PEX6: variants seen among roughly 807,000 people sequenced by gnomAD.
PEX6 encodes the protein peroxisome biogenesis factor 6.
Under a neutral mutation model 85.6 loss-of-function variants are expected in PEX6, and 55 were observed. That is an observed-to-expected ratio of 0.64 (90% CI 0.52 to 0.80). The LOEUF (loss-of-function observed/expected upper bound fraction) is 0.80, where lower values mean the gene tolerates loss of function less well. Among genes scored for constraint, PEX6 ranks in the 30% least tolerant of loss-of-function variants. The pLI is 0.00. For synonymous variants in PEX6, 519 were observed against 549.1 expected, an observed-to-expected ratio of 0.95 and a Z score of 0.77; for missense variants, 1,099 against 1,260.3, an observed-to-expected ratio of 0.87 and a Z score of 1.94.
Position 42,965,381 on chromosome 6 carries a change from G to A in PEX6, c.2472-13C>T, listed in dbSNP as rs768703242. On this transcript the variant is annotated splice_polypyrimidine_tract_variant and intron_variant, in intron 13 of 16. Transcript: ENST00000304611. This position sits in a 1 kb window ranked among gnomAD's most constrained non-coding sequence, Gnocchi z 5.0. Reference sequence around the variant, plus strand: ...CTGAGACACCACCCTGGAGAGAAGGGAGCAAGGGCAAGAGTCCTTGGTGTC... The same window carrying A: ...CTGAGACACCACCCTGGAGAGAAGGAAGCAAGGGCAAGAGTCCTTGGTGTC... 2.5e-6 allele frequency: 4 copies of A among 1,592,734 alleles called. No homozygotes were observed. The highest frequency in any genetic ancestry group is 3.4e-6 in the Non-Finnish European group (4 of 1,161,172).
At position 42,971,931 on chromosome 6, in the gene PEX6, G is replaced by A. The variant is rs1299128402; in HGVS notation, c.1131-1944C>T. On this transcript the variant is annotated intron_variant, in intron 3 of 16. Transcript: ENST00000304611. The surrounding 1 kb of genome is among the most constrained non-coding windows in gnomAD (Gnocchi z 4.4). Reference sequence around the variant, plus strand: ...TAAATTTATGATAGGAGAGAGAGGTGGGAAGTGACTGCTAAGTGCCAGCCT... The same window carrying A: ...TAAATTTATGATAGGAGAGAGAGGTAGGAAGTGACTGCTAAGTGCCAGCCT... Among the ~76,000 whole-genome samples the A allele has an allele frequency of 6.6e-6, 1 of 152,202 alleles. No individual in the cohort carries two copies. The highest frequency in any genetic ancestry group is 1.5e-5 in the Non-Finnish European group (1 of 68,028).
intron 2 of PEX6, 62 bp from the exon 3 acceptor site, chr6:42,974,148 C>T (rs966414039): frequency 2.7e-4 from 332 of 1,230,644 alleles, no homozygotes; most frequent in Non-Finnish European, 3.6e-4. Context: ...TGTTCATTAC[C>T]ACATGTCCAC....
At chr6:42,970,140 A>G (rs957745141) in intron 3 of PEX6, among the ~76,000 whole-genome samples, 153 bp from the exon 4 acceptor site, 4 of 152,180 alleles carry the variant, frequency 2.6e-5, no homozygotes, top group South Asian at 2.1e-4. Flanking sequence ...GGACTTTCTC[A>G]TCTTCCTGAC....
chr6:42,977,564 A>C (rs542762667), intron 1 of PEX6, among the ~76,000 whole-genome samples: 4 of 152,068 alleles, frequency 2.6e-5, no homozygotes, highest in Admixed American at 1.3e-4. Flanking sequence ...GGATCACCTG[A>C]GGTCAGGAGT....
chr6:42,971,000 T>G (rs1770040874), intron 3 of PEX6, among the ~76,000 whole-genome samples: 1 of 152,184 alleles, frequency 6.6e-6, no homozygotes, highest in Non-Finnish European at 1.5e-5. Context: ...CATGAACTAC[T>G]TCCCTCTTTA....
At chr6:42,974,818 T>C (rs1770218077) in intron 2 of PEX6, 57 bp downstream of exon 2, 3 of 1,494,610 alleles carry the variant, frequency 2.0e-6, no homozygotes, top group African/African-American at 2.8e-5. Flanking sequence ...AGGCATGGGA[T>C]AGGAGGAATG....
chr6:42,975,137 C>T, intron 1 of PEX6, 99 bp from the exon 2 acceptor site: 2 of 1,045,742 alleles, frequency 1.9e-6, no homozygotes, highest in African/African-American at 3.1e-5. Flanking sequence ...TCCTGTCTTT[C>T]CCATAACCAC....
At chr6:42,969,633 C>T (rs564008181) in intron 5 of PEX6, 35 bp downstream of exon 5, 1 of 1,611,832 alleles carries the variant, frequency 6.2e-7, no homozygotes, top group Admixed American at 1.7e-5. Flanking sequence ...TCTAAGCAGG[C>T]TTTTCTCACA....
chr6:42,970,194 G>A (rs969484021), intron 3 of PEX6, among the ~76,000 whole-genome samples: 3 of 152,214 alleles, frequency 2.0e-5, no homozygotes, highest in African/African-American at 7.2e-5. Context: ...CTGTCCCTCT[G>A]CATCCCCCAT....
Position 42,979,025 on chromosome 6 carries a change from A to G in PEX6, c.126T>C (p.Pro42=). The part of the protein sequence containing the change: ...AELGLVLALR[P]AGESPAGPAL... ...CCGGCCCTGCCGGGCTCTCCCCTGC[A>G]GGCCTCAGGGCCAGCACCAGGCCCA... is the stretch of plus-strand genomic sequence containing the variant. The change falls in exon 1 of 17, where the codon CCT becomes CCC. Residue 42 remains proline (P), a synonymous_variant. Coordinates refer to ENST00000304611, the MANE Select transcript of PEX6 (RefSeq NM_000287.4). 1 of 1,529,450 alleles carries G rather than the reference A, an allele frequency of 6.5e-7. No homozygotes were observed. The highest frequency in any genetic ancestry group is 8.7e-7 in the Non-Finnish European group (1 of 1,144,500). 94.7% of individuals were successfully genotyped at this position (1,529,450 alleles called of 1,614,324 possible).
intron 1 of PEX6, among the ~76,000 whole-genome samples, chr6:42,975,585 A>G (rs766446670): frequency 6.6e-6 from 1 of 152,224 alleles, no homozygotes; most frequent in African/African-American, 2.4e-5. Flanking sequence ...TTACTCTAGT[A>G]CTGCCCAGTA....
intron 2 of PEX6, among the ~76,000 whole-genome samples, chr6:42,974,633 T>C (rs1342121121): frequency 1.3e-5 from 2 of 151,642 alleles, no homozygotes; most frequent in African/African-American, 4.8e-5. Flanking sequence ...AATTTTTTTT[T>C]TGTATTTTTA....
chr6:42,968,067 C>T (rs1769907239), intron 7 of PEX6, among the ~76,000 whole-genome samples: 1 of 151,842 alleles, frequency 6.6e-6, no homozygotes, highest in South Asian at 2.1e-4. Flanking sequence ...CTGCCTCAGC[C>T]TCCCAAGTAG....
At chr6:42,968,599 T>C (rs1769935627) in intron 6 of PEX6, 101 bp from the exon 7 acceptor site, 1 of 1,106,374 alleles carries the variant, frequency 9.0e-7, no homozygotes, top group African/African-American at 1.5e-5. Context: ...CATCTTTTTC[T>C]CTGGAGGGCA....
At position 42,975,018 on chromosome 6, in the gene PEX6, G is replaced by C; in HGVS notation, c.903C>G (p.Ile301Met). 1 of 1,613,036 alleles carries C rather than the reference G, an allele frequency of 6.2e-7. No homozygotes were observed. ...LRIQRYLEGSIAPEDKGSCSL... is the reference protein window; with the variant it reads ...LRIQRYLEGSMAPEDKGSCSL... Reference sequence around the variant, plus strand: ...AGCAGCTTCCTTTGTCTTCAGGGGCGATGGAGCCTTCCAAGTACCTCTATT... The same window carrying C: ...AGCAGCTTCCTTTGTCTTCAGGGGCCATGGAGCCTTCCAAGTACCTCTATT... Residue 301 changes from isoleucine (I) to methionine (M), a missense_variant, in exon 2 of 17, where the codon ATC (isoleucine) becomes ATG (methionine). Ile to Met is a conservative substitution (Grantham distance 10, BLOSUM62 1). This residue lies in a region of PEX6 where 579 missense variants were observed against 611.6 expected (regional missense o/e 0.95). Coordinates refer to ENST00000304611, the MANE Select transcript of PEX6 (RefSeq NM_000287.4).
rs763214400 is a variant in PEX6, at chr6:42,966,309, G to C, written c.2233C>G (p.Pro745Ala). The change falls in exon 11 of 17, where the codon CCC becomes GCC. Residue 745 changes from proline to alanine, a missense_variant. Coordinates refer to ENST00000304611, the MANE Select transcript of PEX6 (RefSeq NM_000287.4). ...AGAAGGGTCTTGCCGGTGCCAGGGG[G>C]CCCATGGAGCAGAAGGCCTGAGCGT... ...LRRSGLLLHG[P>A]PGTGKTLLAK... 1 of 1,612,932 alleles carries C rather than the reference G, an allele frequency of 6.2e-7. No homozygotes were observed. Among genetic ancestry groups the C allele is most frequent in the East Asian group, 2.2e-5 (1 of 44,874 alleles).
Position 42,966,350 on chromosome 6 carries a change from A to G in PEX6, c.2192T>C (p.Leu731Pro). 1 of 1,613,946 alleles carries G rather than the reference A, an allele frequency of 6.2e-7. No individual in the cohort carries two copies. Among genetic ancestry groups the G allele is most frequent in the Non-Finnish European group, 8.5e-7 (1 of 1,179,998 alleles). The stretch of plus-strand genomic sequence containing the variant: ...GCCTGAGCGTCTCAGGCCCAGGCTC[A>G]GTAGCTCAGGGTGCTCCAGGGGGAG... ...IQLPLEHPEL[L>P]SLGLRRSGLL... The change falls in exon 11 of 17, where the codon CTG becomes CCG. Residue 731 changes from leucine (L) to proline (P), a missense_variant. By Grantham distance (98) the Leu-to-Pro change is moderately conservative (BLOSUM62 -3). Transcript: ENST00000304611.
chr6:42,975,065 T>C, intron 1 of PEX6, 27 bp from the exon 2 acceptor site: 1 of 1,596,310 alleles, frequency 6.3e-7, no homozygotes, highest in Non-Finnish European at 8.6e-7. Context: ...CACCACGTTA[T>C]AACCTTCTCC....
intron 2 of PEX6, among the ~76,000 whole-genome samples, chr6:42,974,448 T>A (rs7744423): frequency 1.2e-5 from 1 of 86,580 alleles, no homozygotes; most frequent in Non-Finnish European, 2.2e-5. Flanking sequence ...AAATGTTTTT[T>A]TTGTTTTTTT....
Sources: allele counts gnomAD v4.1 joint callset (sites outside exome capture counted in the v4.1 genomes callset), GRCh38; gene constraint gnomAD v4.1.1; regional missense constraint gnomAD v4.1.1; non-coding constraint Gnocchi (gnomAD v3.1); transcripts MANE v1.5; gene names NCBI Gene and HGNC (gene_info 2026-07-23, HGNC 2026-07-21).